SPATA13: variants seen among roughly 807,000 people sequenced by gnomAD.
SPATA13 encodes spermatogenesis-associated protein 13.
SPATA13 carries 50 observed loss-of-function variants against 104.0 expected under a neutral mutation model. That is an observed-to-expected ratio of 0.48 (90% CI 0.38 to 0.61). The LOEUF is 0.61. Ranked by LOEUF, SPATA13 falls within the 20% of genes least tolerant of loss-of-function variation. The pLI, the probability that SPATA13 is intolerant of heterozygous loss-of-function variation, is 0.00. For missense variants in SPATA13, 1,524 were observed against 1,690.6 expected, an observed-to-expected ratio of 0.90 and a Z score of 1.73; for synonymous variants, 606 against 667.5, an observed-to-expected ratio of 0.91 and a Z score of 1.42.
intron 4 of SPATA13, chr13:24,278,873 TTTCC>T (rs55973344): frequency 0.074 from 82,225 of 1,108,040 alleles, 6,270 homozygotes; most frequent in East Asian, 0.24. Flanking sequence ...GCTGTTTTTC[TTTCC>T]TTCCTTCCTT....
intron 4 of SPATA13, among the ~76,000 whole-genome samples, chr13:24,281,305 G>A (rs1331937604): frequency 6.6e-6 from 1 of 152,222 alleles, no homozygotes; most frequent in Admixed American, 6.5e-5. Context: ...CACAGACACA[G>A]GCCCTGACCT....
chr13:24,300,638 T>C (rs1405754022), intron 12 of SPATA13, 163 bp downstream of exon 12: 1 of 653,484 alleles, frequency 1.5e-6, no homozygotes, highest in East Asian at 2.8e-5. Flanking sequence ...GAAGGTGGCC[T>C]GTGTTTGGTT....
chr13:24,106,587 A>C (rs902045526), intron 3 of SPATA13, among the ~76,000 whole-genome samples: 5 of 151,960 alleles, frequency 3.3e-5, no homozygotes, highest in African/African-American at 1.2e-4. Flanking sequence ...ACAGAACAGC[A>C]CTCGCTTTGT....
intron 3 of SPATA13, among the ~76,000 whole-genome samples, chr13:24,133,173 G>C (rs1881442503): frequency 6.6e-6 from 1 of 152,086 alleles, no homozygotes; most frequent in African/African-American, 2.4e-5. Context: ...GGATTAGACT[G>C]TGCAGCCTAT....
chr13:24,302,329 G>A (rs557199297), intron 12 of SPATA13, among the ~76,000 whole-genome samples: 6 of 151,966 alleles, frequency 3.9e-5, no homozygotes, highest in African/African-American at 1.4e-4. Flanking sequence ...GGGCGTGGTG[G>A]CACACACCTG....
chr13:24,090,768 A>T (rs1879883804), intron 3 of SPATA13, among the ~76,000 whole-genome samples: 1 of 152,226 alleles, frequency 6.6e-6, no homozygotes, highest in African/African-American at 2.4e-5. Flanking sequence ...TAAAAACTTA[A>T]ATCCAACATC....
At chr13:23,998,679 G>T (rs114147252) in intron 2 of SPATA13, among the ~76,000 whole-genome samples, 1,809 of 152,202 alleles carry the variant, frequency 0.012, 47 homozygotes, top group African/African-American at 0.041. Context: ...TCTTCTATGT[G>T]TTCTTACAGA....
intron 1 of SPATA13, among the ~76,000 whole-genome samples, chr13:24,181,301 G>A (rs764266797): frequency 6.6e-6 from 1 of 151,930 alleles, no homozygotes; most frequent in Non-Finnish European, 1.5e-5. Context: ...TAAATTTATT[G>A]AAACTTTTTT....
At chr13:24,232,077 C>A (rs1020635691) in intron 2 of SPATA13, among the ~76,000 whole-genome samples, 1 of 152,188 alleles carries the variant, frequency 6.6e-6, no homozygotes, top group Non-Finnish European at 1.5e-5. Flanking sequence ...ATATGAAAAT[C>A]GGCTGGTGTG....
intron 3 of SPATA13, among the ~76,000 whole-genome samples, chr13:24,082,502 T>G (rs1019419362): frequency 1.3e-5 from 2 of 152,184 alleles, no homozygotes; most frequent in Admixed American, 1.3e-4. Context: ...TGGCCTTTTC[T>G]ATACTCAACT....
rs574717182 is a variant in SPATA13, at chr13:24,194,632, C to A, written c.-111-28187C>A. ...TGAGCCCGGTAGGTCCTCATTGATT[C>A]ACCACTCACCGACTGGTCTGCCGCT... On this transcript the variant is annotated intron_variant, in intron 1 of 12. Transcript: ENST00000382108. Among the ~76,000 whole-genome samples the A allele has an allele frequency of 2.6e-4, 39 of 152,292 alleles. No homozygotes were observed. The South Asian group carries it at 3.5e-3, about 14-fold the overall frequency.
intron 1 of SPATA13, among the ~76,000 whole-genome samples, chr13:24,203,480 A>G (rs1392194379): frequency 6.6e-6 from 1 of 152,102 alleles, no homozygotes; most frequent in Non-Finnish European, 1.5e-5. Context: ...CTGAAAGGGG[A>G]CAGCACTTCT....
intron 1 of SPATA13, among the ~76,000 whole-genome samples, chr13:24,208,228 C>T (rs1352324575): frequency 1.3e-5 from 2 of 152,192 alleles, no homozygotes; most frequent in African/African-American, 4.8e-5. Flanking sequence ...AGAATAGTGA[C>T]GGAACTGGGG....
intron 2 of SPATA13, among the ~76,000 whole-genome samples, chr13:24,237,425 A>C (rs1478974121): frequency 6.6e-6 from 1 of 152,220 alleles, no homozygotes; most frequent in East Asian, 1.9e-4. Flanking sequence ...CATTGTGCTA[A>C]GTGAAATCAG....
At chr13:24,040,893 G>A (rs191019595) in intron 3 of SPATA13, among the ~76,000 whole-genome samples, 1 of 152,316 alleles carries the variant, frequency 6.6e-6, no homozygotes. Context: ...TCAGGTTAGA[G>A]CACCACGAAC....
intron 1 of SPATA13, among the ~76,000 whole-genome samples, chr13:24,191,337 A>G (rs1869731168): frequency 6.6e-6 from 1 of 151,960 alleles, no homozygotes; most frequent in African/African-American, 2.4e-5. Flanking sequence ...CACATGGTAG[A>G]CTACAGTATA....
intron 4 of SPATA13, among the ~76,000 whole-genome samples, chr13:24,268,616 G>T (rs778048722): frequency 6.6e-6 from 1 of 152,034 alleles, no homozygotes; most frequent in African/African-American, 2.4e-5. Context: ...AAAATTAGCC[G>T]GGCATGGTGG....
intron 2 of SPATA13, among the ~76,000 whole-genome samples, chr13:23,986,140 T>A (rs1323195788): frequency 6.6e-6 from 1 of 152,226 alleles, no homozygotes; most frequent in Non-Finnish European, 1.5e-5. Context: ...GTTTTTAGCA[T>A]ACCATGGTCT....
At chr13:24,178,392 T>C (rs537049717) in intron 1 of SPATA13, among the ~76,000 whole-genome samples, 48 of 152,304 alleles carry the variant, frequency 3.2e-4, no homozygotes, top group African/African-American at 1.1e-3. Context: ...CTGAGGAACA[T>C]GCATTTTTTT....
Sources: gnomAD v4.1 joint callset for allele counts (sites outside exome capture counted in the v4.1 genomes callset) on GRCh38, gnomAD v4.1.1 for gene constraint, MANE v1.5 for transcripts, NCBI Gene and HGNC (gene_info 2026-07-23, HGNC 2026-07-21) for gene names.